Variants in BMAL2 observed in about 807,000 individuals in gnomAD.
The protein encoded by BMAL2 is basic helix-loop-helix ARNT-like protein 2.
the BMAL2 span, among the ~76,000 whole-genome samples, chr12:27,333,447 T>G: frequency 6.6e-6 from 1 of 152,192 alleles, no homozygotes; most frequent in Non-Finnish European, 1.5e-5. Flanking sequence ...AGCATCCGCC[T>G]CCACCCACTG....
chr12:27,372,813 A>G, the BMAL2 span, among the ~76,000 whole-genome samples: 21 of 152,030 alleles, frequency 1.4e-4, no homozygotes, highest in Non-Finnish European at 3.1e-4. Flanking sequence ...AGCTGGGACT[A>G]CAGGCGCCCA....
the BMAL2 span, among the ~76,000 whole-genome samples, chr12:27,370,733 G>A: frequency 6.6e-6 from 1 of 152,226 alleles, no homozygotes; most frequent in Admixed American, 6.5e-5. Context: ...AGCCTCCCGA[G>A]TAGCTGGGAC....
the BMAL2 span, among the ~76,000 whole-genome samples, chr12:27,411,426 G>A: frequency 2.0e-5 from 3 of 152,092 alleles, no homozygotes; most frequent in East Asian, 5.8e-4. Context: ...AGACCATCCT[G>A]GGCAACATAT....
the BMAL2 span, chr12:27,401,370 A>T: frequency 6.2e-7 from 1 of 1,604,776 alleles, no homozygotes; most frequent in African/African-American, 1.3e-5. Flanking sequence ...GCAGGTAGGT[A>T]TGCATTGAGC....
At chr12:27,349,743 TA>T in the BMAL2 span, among the ~76,000 whole-genome samples, 1 of 152,200 alleles carries the variant, frequency 6.6e-6, no homozygotes, top group Admixed American at 6.5e-5. Flanking sequence ...TGTTTTCTTA[TA>T]AACACTCTAT....
At chr12:27,382,696 C>T in the BMAL2 span, among the ~76,000 whole-genome samples, 8 of 152,286 alleles carry the variant, frequency 5.3e-5, no homozygotes, top group African/African-American at 1.4e-4. Context: ...CACACTTGCT[C>T]GGCAAAAACT....
chr12:27,409,436 T>C, the BMAL2 span, among the ~76,000 whole-genome samples: 2 of 152,066 alleles, frequency 1.3e-5, no homozygotes, highest in African/African-American at 4.8e-5. Context: ...TCAGAAATAA[T>C]GCCACATATC....
the BMAL2 span, among the ~76,000 whole-genome samples, chr12:27,355,220 T>TA: frequency 6.4e-4 from 97 of 152,302 alleles, 1 homozygote; most frequent in Middle Eastern, 3.4e-3. Context: ...ATCATATTCT[T>TA]AGAGACATTT....
chr12:27,374,958 T>G, the BMAL2 span, among the ~76,000 whole-genome samples: 1,287 of 152,336 alleles, frequency 8.4e-3, 14 homozygotes, highest in African/African-American at 0.029. Flanking sequence ...ACCACTTGAT[T>G]AAGCATTTGT....
chr12:27,334,997 G>T, the BMAL2 span, among the ~76,000 whole-genome samples: 6 of 152,208 alleles, frequency 3.9e-5, no homozygotes, highest in Admixed American at 3.9e-4. Context: ...CATCTGACTT[G>T]GTGGTGCTAA....
chr12:27,420,084 C>T, the BMAL2 span, among the ~76,000 whole-genome samples: 1 of 151,808 alleles, frequency 6.6e-6, no homozygotes, highest in Non-Finnish European at 1.5e-5. Context: ...CCTTCCAGCT[C>T]TCTGAGAGTC....
chr12:27,340,691 T>C, the BMAL2 span, among the ~76,000 whole-genome samples: 1 of 152,230 alleles, frequency 6.6e-6, no homozygotes, highest in Non-Finnish European at 1.5e-5. Flanking sequence ...ACAAACTGCT[T>C]TGGGTAGTAG....
the BMAL2 span, among the ~76,000 whole-genome samples, chr12:27,343,064 C>T: frequency 3.7e-4 from 57 of 152,240 alleles, no homozygotes; most frequent in African/African-American, 1.4e-3. Context: ...AATTTTCTTT[C>T]GCTGTTTCTC....
chr12:27,373,033 C>G, the BMAL2 span, among the ~76,000 whole-genome samples: 2 of 152,230 alleles, frequency 1.3e-5, no homozygotes, highest in Admixed American at 1.3e-4. Flanking sequence ...GTGGTACAGT[C>G]TTACAATTTT....
the BMAL2 span, among the ~76,000 whole-genome samples, chr12:27,353,834 C>T: frequency 6.6e-6 from 1 of 152,104 alleles, no homozygotes; most frequent in East Asian, 1.9e-4. Context: ...AAGCAGTTAT[C>T]ATTAGAGAAA....
the BMAL2 span, among the ~76,000 whole-genome samples, chr12:27,393,966 A>G: frequency 6.6e-6 from 1 of 152,242 alleles, no homozygotes; most frequent in African/African-American, 2.4e-5. Context: ...TGTAACAATT[A>G]CAGACATAAC....
chr12:27,421,660 A>T, the BMAL2 span: 1 of 152,226 alleles, frequency 6.6e-6, no homozygotes, highest in Non-Finnish European at 1.5e-5. Context: ...ATCACTGAAG[A>T]TCTCTATTAT....
At chr12:27,361,351 A>T in the BMAL2 span, among the ~76,000 whole-genome samples, 1 of 152,224 alleles carries the variant, frequency 6.6e-6, no homozygotes, top group Non-Finnish European at 1.5e-5. Flanking sequence ...GACAGAGTGG[A>T]GTGAGATTTA....
At chr12:27,422,366 T>C in the BMAL2 span, 1 of 152,248 alleles carries the variant, frequency 6.6e-6, no homozygotes, top group African/African-American at 2.4e-5. Flanking sequence ...CAAAGCATTA[T>C]TTTGACCCTG....
Sources: gnomAD v4.1 joint callset for allele counts (sites outside exome capture counted in the v4.1 genomes callset) on GRCh38, gnomAD v4.1.1 for gene constraint, MANE v1.5 for transcripts, NCBI Gene and HGNC (gene_info 2026-07-23, HGNC 2026-07-21) for gene names.